ZFHX2: variants seen among roughly 807,000 people sequenced by gnomAD.
ZFHX2 encodes the protein zinc finger homeobox protein 2.
Under a neutral mutation model 164.8 loss-of-function variants are expected in ZFHX2, and 75 were observed. The ratio of observed to expected loss-of-function variants is 0.46; its 90% CI spans 0.38 to 0.55. The LOEUF is 0.55. ZFHX2 is among the 20% of genes least tolerant of loss of function. The pLI is 0.00. For missense variants in ZFHX2, 2,933 were observed against 3,308.0 expected, an observed-to-expected ratio of 0.89 and a Z score of 2.78; for synonymous variants, 1,217 against 1,351.4, an observed-to-expected ratio of 0.90 and a Z score of 2.18.
chr14:23,522,434 G>A lies in ZFHX2; in HGVS notation c.7247C>T (p.Pro2416Leu). 1 of 1,536,478 alleles carries A rather than the reference G, an allele frequency of 6.5e-7. No homozygotes were observed. The highest frequency in any genetic ancestry group is 8.7e-7 in the Non-Finnish European group (1 of 1,146,908). The change falls in exon 10 of 10, where the codon CCA (proline) becomes CTA (leucine). Residue 2416 changes from proline to leucine, a missense_variant. Physicochemically the swap from Pro to Leu is moderately conservative, Grantham distance 98. Transcript: ENST00000419474. The stretch of plus-strand genomic sequence containing the variant: ...TGGAGCAGGCAGTTCAGGAGGCTTT[G>A]GAGGTGCTGTGGCTGTGGGCTCAGG... The part of the protein sequence containing the change: ...QPPEPTATAP[P>L]KPPELPAPGE...
Position 23,524,491 on chromosome 14 carries a change from G to T in ZFHX2, c.5451C>A (p.Pro1817=). ...LPLLVFGERN[P]LVAATSPMPG... ...GCATTGGTGAGGTGGCTGCCACCAG[G>T]GGGTTTCTCTCCCCAAACACCAGCA... The change falls in exon 9 of 10, where the codon CCC becomes CCA. Residue 1817 remains proline, a synonymous_variant. Transcript: ENST00000419474. The surrounding 1 kb of genome is among the most constrained non-coding windows in gnomAD (Gnocchi z 5.6). 1 of 1,529,748 alleles carries T rather than the reference G, an allele frequency of 6.5e-7. No homozygotes were observed. The allele number at this position is 1,529,748 out of a possible 1,614,324, so 94.8% of individuals were successfully genotyped here. A position where few individuals can be genotyped will look rare whatever the true frequency, so the allele number is the denominator to read the frequency against.
Position 23,522,333 on chromosome 14 carries a change from G to A in ZFHX2, c.7348C>T (p.Arg2450Cys), listed in dbSNP as rs1377080614. The A allele has an allele frequency of 3.3e-5, 50 of 1,533,566 alleles. No individual in the cohort carries two copies. Among genetic ancestry groups the A allele is most frequent in the Admixed American group, 7.9e-5 (4 of 50,678 alleles). The allele number at this position is 1,533,566 out of a possible 1,614,324, so 95.0% of individuals were successfully genotyped here. A position where few individuals can be genotyped will look rare whatever the true frequency, so the allele number is the denominator to read the frequency against. Reference sequence around the variant, plus strand: ...ATCTTGCACTGGCGGCACAGGTAGCGATGGGTTACATCCACGGTGGAGATG... The same window carrying A: ...ATCTTGCACTGGCGGCACAGGTAGCAATGGGTTACATCCACGGTGGAGATG... ...TGISTVDVTH[R>C]YLCRQCKMAF... Residue 2450 changes from arginine (R) to cysteine (C), a missense_variant, in exon 10 of 10, where the codon CGC becomes TGC. Physicochemically the swap from Arg to Cys is radical, Grantham distance 180. Coordinates refer to ENST00000419474, the MANE Select transcript of ZFHX2 (RefSeq NM_033400.3).
chr14:23,539,054 T>A (rs891336061), intron 1 of ZFHX2, among the ~76,000 whole-genome samples: 1 of 152,084 alleles, frequency 6.6e-6, no homozygotes, highest in African/African-American at 2.4e-5. Flanking sequence ...TCCCCTGAGA[T>A]GAATCTTGCA....
At chr14:23,553,788 G>A (rs1343229522), upstream of ZFHX2, among the ~76,000 whole-genome samples, 1 of 152,136 alleles carries the variant, frequency 6.6e-6, no homozygotes, top group Non-Finnish European at 1.5e-5. Flanking sequence ...CATCTACTTG[G>A]GAGGCTGAGG....
Position 23,534,132 on chromosome 14 carries a change from C to G in ZFHX2, c.1194G>C (p.Glu398Asp). 6.8e-7 allele frequency: 1 copy of G among 1,478,748 alleles called. No homozygotes were observed. The highest frequency in any genetic ancestry group is 8.9e-7 in the Non-Finnish European group (1 of 1,118,094). The allele number at this position is 1,478,748 out of a possible 1,614,324, so 91.6% of individuals were successfully genotyped here. The part of the protein sequence containing the change: ...PLNQSSPTSK[E>D]GGTLPAPVGS... The stretch of plus-strand genomic sequence containing the variant: ...CCACTGGGGCAGGGAGAGTGCCCCC[C>G]TCCTTGGAGGTGGGTGAGCTTTGGT... The change falls in exon 2 of 10, where the codon GAG becomes GAC. Residue 398 changes from glutamate to aspartate, a missense_variant. By Grantham distance (45) the Glu-to-Asp change is conservative. Coordinates refer to ENST00000419474, the MANE Select transcript of ZFHX2 (RefSeq NM_033400.3). The surrounding 1 kb of genome is among the most constrained non-coding windows in gnomAD (Gnocchi z 4.5).
upstream of ZFHX2, among the ~76,000 whole-genome samples, chr14:23,554,428 G>A (rs907554392): frequency 5.9e-5 from 9 of 152,118 alleles, no homozygotes; most frequent in Non-Finnish European, 1.2e-4. Flanking sequence ...AGGCTGGAGT[G>A]CAGGCAGTAG....
chr14:23,531,796 TAG>T (rs962019544), intron 3 of ZFHX2, 75 bp from the exon 4 acceptor site: 1 of 1,250,782 alleles, frequency 8.0e-7, no homozygotes, highest in Non-Finnish European at 1.0e-6. Flanking sequence ...TTTTTTTTTC[TAG>T]AGAGAGTCTT....
In ZFHX2 at chr14:23,521,825, G is replaced by C; in HGVS notation, c.*137C>G. On this transcript the variant is annotated 3_prime_UTR_variant, in exon 10 of 10. Coordinates refer to ENST00000419474, the MANE Select transcript of ZFHX2 (RefSeq NM_033400.3). ...AAGTGGGGTGTGTGGTGCCCACTGA[G>C]GGTGGGAACTGAACAGTTCCTGTGA... is the stretch of plus-strand genomic sequence containing the variant. 2.1e-6 allele frequency: 3 copies of C among 1,402,814 alleles called. No individual in the cohort carries two copies. Among genetic ancestry groups the C allele is most frequent in the Non-Finnish European group, 2.8e-6 (3 of 1,064,522 alleles). The allele number at this position is 1,402,814 out of a possible 1,614,324, so 86.9% of individuals were successfully genotyped here.
Position 23,535,456 on chromosome 14 carries a change from C to A in ZFHX2, c.-49-82G>T. 8 of 1,177,236 alleles carry A rather than the reference C, an allele frequency of 6.8e-6. No homozygotes were observed. The highest frequency in any genetic ancestry group is 8.9e-6 in the Non-Finnish European group (8 of 899,822). 72.9% of individuals were successfully genotyped at this position (1,177,236 alleles called of 1,614,324 possible). A position where few individuals can be genotyped will look rare whatever the true frequency, so the allele number is the denominator to read the frequency against. On this transcript the variant is annotated intron_variant, in intron 1 of 9. Coordinates refer to ENST00000419474, the MANE Select transcript of ZFHX2 (RefSeq NM_033400.3). The surrounding 1 kb of genome is among the most constrained non-coding windows in gnomAD (Gnocchi z 4.5). ...AGCTGGATCTCTGGATACTCCTGCC[C>A]CATCCTCTTCCCTGAACACCAGACT...
chr14:23,542,202 A>C (rs915619177), intron 1 of ZFHX2: 1 of 152,482 alleles, frequency 6.6e-6, no homozygotes, highest in African/African-American at 2.4e-5. Context: ...GCCTGTCCCC[A>C]GTGAGAAGGA....
At position 23,524,533 on chromosome 14, in the gene ZFHX2, T is replaced by C. The variant is rs923030069; in HGVS notation, c.5409A>G (p.Gln1803=). Residue 1803 remains glutamine (Q), a synonymous_variant, in exon 9 of 10, where the codon CAA becomes CAG. Coordinates refer to ENST00000419474, the MANE Select transcript of ZFHX2 (RefSeq NM_033400.3). The surrounding 1 kb of genome is among the most constrained non-coding windows in gnomAD (Gnocchi z 5.6). ...LPSLQPSAPP[Q]LLDLPLLVFG... ...ACACCAGCAAGGGCAGATCTAGGAG[T>C]TGGGGGGGAGCACTGGGCTGCAGAG... is the stretch of plus-strand genomic sequence containing the variant. The C allele has an allele frequency of 5.2e-6, 8 of 1,526,034 alleles. No individual in the cohort carries two copies. The highest frequency in any genetic ancestry group is 2.4e-5 in the South Asian group (2 of 82,074). 94.5% of individuals were successfully genotyped at this position (1,526,034 alleles called of 1,614,324 possible).
chr14:23,537,972 ACCCT>A (rs1880373315), intron 1 of ZFHX2: 1 of 152,722 alleles, frequency 6.5e-6, no homozygotes, highest in South Asian at 2.1e-4. Context: ...GCTACAGCTC[ACCCT>A]CCCTAAGCCT....
upstream of ZFHX2, among the ~76,000 whole-genome samples, chr14:23,554,130 T>C (rs1595207374): frequency 1.4e-5 from 2 of 143,934 alleles, no homozygotes; most frequent in East Asian, 4.1e-4. Context: ...AAGCTGGGAG[T>C]CGACCTCAGG....
chr14:23,552,321 TCTCA>T (rs1169402603), upstream of ZFHX2, among the ~76,000 whole-genome samples: 1 of 146,298 alleles, frequency 6.8e-6, no homozygotes, highest in Non-Finnish European at 1.5e-5. Context: ...GGAGACGGAG[TCTCA>T]CTCAGTCGCC....
chr14:23,542,102 G>A (rs1398029736), intron 1 of ZFHX2: 5 of 152,522 alleles, frequency 3.3e-5, no homozygotes, highest in Non-Finnish European at 4.4e-5. Flanking sequence ...GAGAGGTAAG[G>A]AAGTGAAGAG....
upstream of ZFHX2, among the ~76,000 whole-genome samples, chr14:23,551,911 A>T (rs1181904179): frequency 6.6e-6 from 1 of 152,158 alleles, no homozygotes; most frequent in Admixed American, 6.6e-5. This position sits in a 1 kb window ranked among gnomAD's most constrained non-coding sequence, Gnocchi z 5.3. Context: ...CCAGCCCACC[A>T]GGTCGCCTCC....
upstream of ZFHX2, among the ~76,000 whole-genome samples, chr14:23,552,586 G>A (rs1379798355): frequency 2.0e-5 from 3 of 148,768 alleles, no homozygotes; most frequent in East Asian, 2.0e-4. Context: ...CCACCACCGC[G>A]CCCAGCCCGT....
rs1345514679 is a variant in ZFHX2 at position 23,535,096 on chromosome 14, T to C, written c.230A>G (p.Gln77Arg). 6.5e-7 allele frequency: 1 copy of C among 1,536,078 alleles called. No individual in the cohort carries two copies. Among genetic ancestry groups the C allele is most frequent in the East Asian group, 2.4e-5 (1 of 40,928 alleles). The change falls in exon 2 of 10, where the codon CAG becomes CGG. Residue 77 changes from glutamine to arginine, a missense_variant. Transcript: ENST00000419474. This position sits in a 1 kb window ranked among gnomAD's most constrained non-coding sequence, Gnocchi z 4.5. ...LVPPKEIGEP[Q>R]EGPDCGHFPP... Reference sequence around the variant, plus strand: ...GAAGTGACCACAGTCAGGCCCTTCCTGGGGCTCCCCAATCTCCTTTGGTGG... The same window carrying C: ...GAAGTGACCACAGTCAGGCCCTTCCCGGGGCTCCCCAATCTCCTTTGGTGG...
Position 23,531,605 on chromosome 14 carries a change from A to G in ZFHX2, c.2676T>C (p.Pro892=). 1 of 1,524,802 alleles carries G rather than the reference A, an allele frequency of 6.6e-7. No homozygotes were observed. Among genetic ancestry groups the G allele is most frequent in the Non-Finnish European group, 8.8e-7 (1 of 1,139,948 alleles). 94.5% of individuals were successfully genotyped at this position (1,524,802 alleles called of 1,614,324 possible). A position where few individuals can be genotyped will look rare whatever the true frequency, so the allele number is the denominator to read the frequency against. ...TCTGGGCCTGGGCATCGCGGTGGGCAGGTGTGCGCAGGTGTTGCAGCACAG... is the reference window on the plus strand; with the variant it reads ...TCTGGGCCTGGGCATCGCGGTGGGCGGGTGTGCGCAGGTGTTGCAGCACAG... ...RLAVLQHLRT[P]AHRDAQAQRR... is the part of the protein sequence containing the mutation. The change falls in exon 4 of 10, where the codon CCT becomes CCC. Residue 892 remains proline (P), a synonymous_variant. Transcript: ENST00000419474.
Sources: gnomAD v4.1 joint callset for allele counts (sites outside exome capture counted in the v4.1 genomes callset) on GRCh38, gnomAD v4.1.1 for gene constraint, Gnocchi (gnomAD v3.1) non-coding constraint, MANE v1.5 for transcripts, NCBI Gene and HGNC (gene_info 2026-07-23, HGNC 2026-07-21) for gene names.